ACAT1: variants seen among roughly 807,000 people sequenced by gnomAD.
The protein encoded by ACAT1 is acetyl-CoA acetyltransferase 1, also known as acetyl-CoA acetyltransferase, mitochondrial.
In ACAT1, 28 loss-of-function variants were observed where a neutral mutation model predicts 47.3. The ratio of observed to expected loss-of-function variants is 0.59; its 90% CI spans 0.44 to 0.81. The LOEUF is 0.81. Ranked by LOEUF, ACAT1 falls within the 30% of genes least tolerant of loss-of-function variation. ACAT1 has a pLI of 0.00. For missense variants in ACAT1, 469 were observed against 524.3 expected, an observed-to-expected ratio of 0.89 and a Z score of 1.03; for synonymous variants, 181 against 173.6, an observed-to-expected ratio of 1.04 and a Z score of -0.34.
At chr11:108,133,553 A>G (rs535227692) in intron 2 of ACAT1, among the ~76,000 whole-genome samples, 2 of 152,284 alleles carry the variant, frequency 1.3e-5, no homozygotes, top group East Asian at 3.9e-4. Flanking sequence ...TTGACTGAGG[A>G]ATAGAAAGGA....
chr11:108,142,941 T>C (rs569009149), intron 9 of ACAT1: 5 of 201,246 alleles, frequency 2.5e-5, no homozygotes, highest in African/African-American at 9.2e-5. Flanking sequence ...TAGGTTGTAC[T>C]TGTGGCAGAA....
At chr11:108,138,803 T>C (rs528418264) in intron 5 of ACAT1, 95 bp from the exon 6 acceptor site, 1 of 1,350,940 alleles carries the variant, frequency 7.4e-7, no homozygotes, top group East Asian at 2.3e-5. Context: ...AATAAATGCA[T>C]GTAGAATACT....
intron 1 of ACAT1, among the ~76,000 whole-genome samples, chr11:108,124,799 A>G (rs1419905762): frequency 1.4e-4 from 21 of 152,040 alleles, no homozygotes; most frequent in Non-Finnish European, 2.9e-5. Flanking sequence ...TATGTGTGCC[A>G]ATTTTGTTCC....
chr11:108,130,836 G>A (rs375643710), intron 1 of ACAT1, among the ~76,000 whole-genome samples: 3 of 152,136 alleles, frequency 2.0e-5, no homozygotes, highest in African/African-American at 7.2e-5. Context: ...TGCAACCTCC[G>A]CCTCCTGGGT....
At chr11:108,120,428 C>G (rs1478221307), upstream of ACAT1, among the ~76,000 whole-genome samples, 1 of 151,930 alleles carries the variant, frequency 6.6e-6, no homozygotes, top group African/African-American at 2.4e-5. Context: ...GATCCCCTAG[C>G]TACTTGGGAG....
intron 5 of ACAT1, among the ~76,000 whole-genome samples, chr11:108,135,657 G>A (rs561683321): frequency 7.9e-5 from 12 of 151,974 alleles, no homozygotes; most frequent in East Asian, 1.9e-4. Context: ...GTGAAACCCC[G>A]TCTCTACTAA....
chr11:108,120,092 G>C (rs540280496), upstream of ACAT1, among the ~76,000 whole-genome samples: 4 of 152,024 alleles, frequency 2.6e-5, no homozygotes, highest in Non-Finnish European at 5.9e-5. Context: ...GGCAGCGTGC[G>C]CCTGTAATCC....
upstream of ACAT1, among the ~76,000 whole-genome samples, chr11:108,120,388 A>G (rs528304717): frequency 8.5e-5 from 13 of 152,150 alleles, no homozygotes; most frequent in African/African-American, 2.9e-4. Flanking sequence ...AGTCCTAGCT[A>G]CGTAGCTACT....
chr11:108,131,354 A>ATTTTTTTTTTTTTTTTTTTTTTTT lies in ACAT1; in HGVS notation c.73-535_73-534insTTTTTTTTTTTTTTTTTTTTTTTT, dbSNP rs397951009. On this transcript the variant is annotated intron_variant, in intron 1 of 11. Coordinates refer to ENST00000265838, the MANE Select transcript of ACAT1 (RefSeq NM_000019.4). ...AAGCTATATTTAAGAAAGACTTGGA[A>ATTTTTTTTTTTTTTTTTTTTTTTT]TTTTTTTTTTTTTTTTTTAGACAGT... is the stretch of plus-strand genomic sequence containing the variant. 7.2e-3 allele frequency among the ~76,000 whole-genome samples: 453 copies of ATTTTTTTTTTTTTTTTTTTTTTTT among 62,628 alleles called. 126 individuals are homozygous for ATTTTTTTTTTTTTTTTTTTTTTTT. Among genetic ancestry groups the ATTTTTTTTTTTTTTTTTTTTTTTT allele is most frequent in the East Asian group, 0.051 (51 of 998 alleles). 41.1% of individuals were successfully genotyped at this position (62,628 alleles called of 152,430 possible). A position where few individuals can be genotyped will look rare whatever the true frequency, so the allele number is the denominator to read the frequency against.
At chr11:108,124,325 A>G (rs1207483593) in intron 1 of ACAT1, among the ~76,000 whole-genome samples, 3 of 152,064 alleles carry the variant, frequency 2.0e-5, no homozygotes, top group Admixed American at 2.0e-4. Context: ...GTGCAGTGGC[A>G]CGATCTTGGC....
upstream of ACAT1, chr11:108,121,497 A>T: frequency 8.2e-7 from 1 of 1,220,658 alleles, no homozygotes; most frequent in Non-Finnish European, 1.2e-6. Flanking sequence ...AGAGGCGACT[A>T]TTGGAGGAAG....
In ACAT1 at chr11:108,144,054, A is replaced by T; in HGVS notation, c.1005+7A>T. On this transcript the variant is annotated splice_region_variant and intron_variant, in intron 10 of 11. Transcript: ENST00000265838. ...TGTATATGCTGCATCTATGGTGAGAACAAAGTGAGGGGCGATACTCCATTA... is the reference window on the plus strand; with the variant it reads ...TGTATATGCTGCATCTATGGTGAGATCAAAGTGAGGGGCGATACTCCATTA... The T allele has an allele frequency of 6.5e-7, 1 of 1,529,754 alleles. No homozygotes were observed. The highest frequency in any genetic ancestry group is 1.4e-5 in the African/African-American group (1 of 71,222). 94.8% of individuals were successfully genotyped at this position (1,529,754 alleles called of 1,614,324 possible). A position where few individuals can be genotyped will look rare whatever the true frequency, so the allele number is the denominator to read the frequency against.
chr11:108,127,247 A>G (rs1021056758), intron 1 of ACAT1, among the ~76,000 whole-genome samples: 8 of 149,904 alleles, frequency 5.3e-5, no homozygotes, highest in Non-Finnish European at 8.9e-5. Context: ...AATTTGGAAA[A>G]TCATCAGCAC....
intron 1 of ACAT1, chr11:108,129,300 G>C (rs1039317809): frequency 6.6e-6 from 1 of 152,152 alleles, no homozygotes; most frequent in Non-Finnish European, 1.5e-5. Flanking sequence ...GGGCATTTGG[G>C]CTGGTTCCAT....
intron 10 of ACAT1, 106 bp downstream of exon 10, chr11:108,144,153 A>G (rs1263329926): frequency 1.7e-5 from 22 of 1,310,020 alleles, no homozygotes; most frequent in Non-Finnish European, 2.4e-5. Flanking sequence ...AAGCAGAGAG[A>G]TAGCTTGGTT....
chr11:108,126,229 C>T (rs1485960038), intron 1 of ACAT1, among the ~76,000 whole-genome samples: 1 of 152,148 alleles, frequency 6.6e-6, no homozygotes, highest in African/African-American at 2.4e-5. Context: ...TCTCAAACTT[C>T]TAATCTCAAG....
chr11:108,129,468 A>G (rs2077316012), intron 1 of ACAT1, among the ~76,000 whole-genome samples: 1 of 151,994 alleles, frequency 6.6e-6, no homozygotes, highest in South Asian at 2.1e-4. Context: ...TCCTGGGTTC[A>G]AGCGATTCTC....
rs1380996307 is a variant in ACAT1, at chr11:108,144,055, C to A, written c.1005+8C>A. The A allele has an allele frequency of 7.1e-7, 1 of 1,416,028 alleles. No individual in the cohort carries two copies. The highest frequency in any genetic ancestry group is 9.5e-7 in the Non-Finnish European group (1 of 1,056,092). 87.7% of individuals were successfully genotyped at this position (1,416,028 alleles called of 1,614,324 possible). ...GTATATGCTGCATCTATGGTGAGAACAAAGTGAGGGGCGATACTCCATTAT... is the reference window on the plus strand; with the variant it reads ...GTATATGCTGCATCTATGGTGAGAAAAAAGTGAGGGGCGATACTCCATTAT... On this transcript the variant is annotated splice_region_variant and intron_variant, in intron 10 of 11. Transcript: ENST00000265838.
In ACAT1 at chr11:108,140,147, G is replaced by A. The variant is rs1297953224; in HGVS notation, c.662G>A (p.Arg221Lys). The change falls in exon 7 of 12, where the codon AGA (arginine) becomes AAA (lysine). Residue 221 changes from arginine to lysine, a missense_variant. By Grantham distance (26) the Arg-to-Lys change is conservative. Transcript: ENST00000265838. ...QDAYAINSYTRSKAAWEAGKF... is the reference protein window; with the variant it reads ...QDAYAINSYTKSKAAWEAGKF... ...GCTTATGCTATTAATTCTTATACCAGAAGTAAAGCAGCATGGGAAGCTGGG... is the reference window on the plus strand; with the variant it reads ...GCTTATGCTATTAATTCTTATACCAAAAGTAAAGCAGCATGGGAAGCTGGG... 6 of 1,614,008 alleles carry A rather than the reference G, an allele frequency of 3.7e-6. No individual in the cohort carries two copies. Among genetic ancestry groups the A allele is most frequent in the Non-Finnish European group, 3.4e-6 (4 of 1,180,016 alleles).
Sources: allele counts gnomAD v4.1 joint callset (sites outside exome capture counted in the v4.1 genomes callset), GRCh38; gene constraint gnomAD v4.1.1; transcripts MANE v1.5; gene names NCBI Gene and HGNC (gene_info 2026-07-23, HGNC 2026-07-21).